The following BST1 variants were observed in gnomAD, a reference collection of about 807,000 sequenced individuals.
BST1 encodes ADP-ribosyl cyclase/cyclic ADP-ribose hydrolase 2.
BST1 carries 49 observed loss-of-function variants against 40.6 expected under a neutral mutation model. The ratio of observed to expected loss-of-function variants is 1.21; its 90% CI spans 0.96 to 1.53. The LOEUF (loss-of-function observed/expected upper bound fraction) is 1.53. Ranked by LOEUF, BST1 falls within the 40% of genes most tolerant of loss-of-function variation. The pLI is 0.00. For synonymous variants in BST1, 157 were observed against 159.3 expected (o/e 0.99, Z 0.11); for missense variants, 423 against 395.9 (o/e 1.07, Z -0.58).
chr4:15,730,998 G>A (rs1721341923), intron 8 of BST1: 12 of 566,436 alleles, frequency 2.1e-5, no homozygotes, highest in Middle Eastern at 3.2e-4. Context: ...TGGTGCTCTC[G>A]ATATATAAGG....
the BST1 span, among the ~76,000 whole-genome samples, chr4:15,772,314 G>T: frequency 6.6e-6 from 1 of 152,034 alleles, no homozygotes; most frequent in Admixed American, 6.5e-5. Flanking sequence ...TGCACTATAA[G>T]GATCATGAAA....
chr4:15,723,603 G>C, intron 8 of BST1: 4 of 985,306 alleles, frequency 4.1e-6, no homozygotes, highest in Non-Finnish European at 4.8e-6. Flanking sequence ...GTTGTATGTT[G>C]TTATAGTAGT....
intron 8 of BST1, among the ~76,000 whole-genome samples, chr4:15,726,090 C>T (rs6449168): frequency 0.39 from 56,961 of 147,410 alleles, 13,625 homozygotes; most frequent in African/African-American, 0.67. Flanking sequence ...GCCTCCCAAA[C>T]AGCTGGGGAT....
intron 8 of BST1, among the ~76,000 whole-genome samples, chr4:15,729,878 C>T (rs1028499516): frequency 7.2e-5 from 11 of 152,154 alleles, no homozygotes; most frequent in Middle Eastern, 3.4e-3. Context: ...CTCCAAGCAC[C>T]TAACTGTGGG....
At chr4:15,731,209 T>A in intron 8 of BST1, 1 of 449,726 alleles carries the variant, frequency 2.2e-6, no homozygotes, top group Non-Finnish European at 4.1e-6. Flanking sequence ...GTTTTCCTTG[T>A]GTGTGAGCAG....
chr4:15,747,301 C>A, the BST1 span, among the ~76,000 whole-genome samples: 1 of 152,180 alleles, frequency 6.6e-6, no homozygotes, highest in Non-Finnish European at 1.5e-5. Flanking sequence ...GTCTCAGATT[C>A]GTGCCTGTCA....
chr4:15,768,556 C>A, the BST1 span, among the ~76,000 whole-genome samples: 50 of 146,624 alleles, frequency 3.4e-4, no homozygotes, highest in Middle Eastern at 7.6e-3. Flanking sequence ...TGCAGTGGCG[C>A]AATCTCGGCT....
chr4:15,737,046 G>A (rs1163574986), downstream of BST1, among the ~76,000 whole-genome samples: 1 of 152,202 alleles, frequency 6.6e-6, no homozygotes, highest in Admixed American at 6.5e-5. Flanking sequence ...TCGCTGTGTA[G>A]CCTTGGGCAA....
chr4:15,766,409 C>T, the BST1 span, among the ~76,000 whole-genome samples: 52,322 of 151,712 alleles, frequency 0.34, 9,386 homozygotes, highest in South Asian at 0.41. Flanking sequence ...GGCTGAGAAG[C>T]TGACTTTTGA....
At chr4:15,769,282 G>T in the BST1 span, among the ~76,000 whole-genome samples, 1 of 152,194 alleles carries the variant, frequency 6.6e-6, no homozygotes, top group Non-Finnish European at 1.5e-5. Context: ...TGCTTATTCT[G>T]CAGGCGTTGC....
chr4:15,726,644 A>G (rs1213970096), intron 8 of BST1, among the ~76,000 whole-genome samples: 1 of 152,182 alleles, frequency 6.6e-6, no homozygotes, highest in African/African-American at 2.4e-5. Flanking sequence ...GTGGTGTTAG[A>G]ATTACTTAGG....
chr4:15,720,702 G>A (rs1016058603), intron 7 of BST1, among the ~76,000 whole-genome samples: 1 of 152,072 alleles, frequency 6.6e-6, no homozygotes, highest in African/African-American at 2.4e-5. Flanking sequence ...GAGGTGGGAG[G>A]ATTGCTTGAG....
downstream of BST1, among the ~76,000 whole-genome samples, chr4:15,733,140 C>A (rs1189055477): frequency 2.0e-5 from 3 of 152,216 alleles, no homozygotes; most frequent in Admixed American, 2.0e-4. Flanking sequence ...CGGTGGCCAG[C>A]TTTTATTCCC....
At chr4:15,707,470 A>G in intron 2 of BST1, 41 bp from the exon 3 acceptor site, 1 of 1,565,200 alleles carries the variant, frequency 6.4e-7, no homozygotes, top group Non-Finnish European at 8.7e-7. Context: ...GTCGGTTTTG[A>G]TTCTGTTTTG....
In BST1 at chr4:15,732,239, T is replaced by A; in HGVS notation, c.*394T>A. On this transcript the variant is annotated 3_prime_UTR_variant, in exon 9 of 9. Transcript: ENST00000265016. Reference sequence around the variant, plus strand: ...GCTTGTTGATTGCTTAAGACATATGTATACTATATAAATGTATGCATATAT... The same window carrying A: ...GCTTGTTGATTGCTTAAGACATATGAATACTATATAAATGTATGCATATAT... 4.1e-6 allele frequency: 2 copies of A among 491,382 alleles called. No homozygotes were observed. The highest frequency in any genetic ancestry group is 2.7e-6 in the Non-Finnish European group (1 of 371,176). The allele number at this position is 491,382 out of a possible 1,614,324, so 30.4% of individuals were successfully genotyped here.
intron 4 of BST1, among the ~76,000 whole-genome samples, chr4:15,714,811 C>A (rs963382846): frequency 1.3e-5 from 2 of 152,120 alleles, no homozygotes; most frequent in African/African-American, 2.4e-5. Flanking sequence ...TGGGTGGAAG[C>A]CTTTAAGAAG....
chr4:15,723,921 G>C (rs546928120), intron 8 of BST1, among the ~76,000 whole-genome samples: 1 of 152,202 alleles, frequency 6.6e-6, no homozygotes, highest in East Asian at 1.9e-4. Flanking sequence ...CCATCTTAGG[G>C]GTAAAACATA....
the BST1 span, among the ~76,000 whole-genome samples, chr4:15,771,858 C>G: frequency 6.6e-6 from 1 of 152,196 alleles, no homozygotes; most frequent in Non-Finnish European, 1.5e-5. Context: ...CTCTAGCATA[C>G]TATACAGTAG....
chr4:15,719,869 A>G (rs1254248560), intron 7 of BST1, among the ~76,000 whole-genome samples: 2 of 152,128 alleles, frequency 1.3e-5, no homozygotes, highest in African/African-American at 4.8e-5. Context: ...GGAGCCCCTC[A>G]AGGCTGTTCT....
Sources: allele counts gnomAD v4.1 joint callset (sites outside exome capture counted in the v4.1 genomes callset), GRCh38; gene constraint gnomAD v4.1.1; transcripts MANE v1.5; gene names NCBI Gene and HGNC (gene_info 2026-07-23, HGNC 2026-07-21).